DMRT1: variants seen among roughly 807,000 people sequenced by gnomAD.
DMRT1 encodes doublesex and mab-3 related transcription factor 1.
A neutral mutation model predicts 32.3 loss-of-function variants in DMRT1; 7 were observed. The observed-to-expected ratio is 0.22, with a 90% CI of 0.12 to 0.41. DMRT1 has a LOEUF of 0.41. Among genes scored for constraint, DMRT1 ranks in the 10% least tolerant of loss-of-function variants. The pLI, the probability that DMRT1 is intolerant of heterozygous loss-of-function variation, is 1.00. For synonymous variants in DMRT1, 278 were observed against 206.1 expected (o/e 1.35, Z -2.99); for missense variants, 625 against 500.5 (o/e 1.25, Z -2.37).
At chr9:900,887 C>T (rs1817547269) in intron 3 of DMRT1, among the ~76,000 whole-genome samples, 1 of 151,806 alleles carries the variant, frequency 6.6e-6, no homozygotes, top group Admixed American at 6.6e-5. Flanking sequence ...AGATGGGGGT[C>T]TCAGTGTGGT....
chr9:864,707 A>C (rs529261094), intron 2 of DMRT1, among the ~76,000 whole-genome samples: 2 of 150,440 alleles, frequency 1.3e-5, no homozygotes, highest in East Asian at 2.0e-4. Flanking sequence ...TCACCATGTT[A>C]GCCAGGATGG....
chr9:890,745 C>T lies in DMRT1; in HGVS notation c.539-3167C>T, dbSNP rs551813715. 1.1e-4 allele frequency among the ~76,000 whole-genome samples: 16 copies of T among 151,876 alleles called. No individual in the cohort carries two copies. The South Asian group carries it at 2.5e-3, about 24-fold the overall frequency. ...TATTTTTTTATTTGAGACAGAGTCTCATTCTGTCACCCAGGCTGGAGTGCA... is the reference window on the plus strand; with the variant it reads ...TATTTTTTTATTTGAGACAGAGTCTTATTCTGTCACCCAGGCTGGAGTGCA... On this transcript the variant is annotated intron_variant, in intron 2 of 4. Coordinates refer to ENST00000382276, the MANE Select transcript of DMRT1 (RefSeq NM_021951.3).
intron 2 of DMRT1, among the ~76,000 whole-genome samples, chr9:853,732 T>C (rs889260351): frequency 2.0e-5 from 3 of 152,092 alleles, no homozygotes; most frequent in Admixed American, 1.3e-4. Context: ...CTTGAACTCC[T>C]GACCTCAGGT....
rs563297698 is a variant in DMRT1, at chr9:879,307, T to A, written c.539-14605T>A. ...CTAAAATTGAGAAATGAAAAAAAAA[T>A]TATGCTTTTAAAATAATAAACTCAT... On this transcript the variant is annotated intron_variant, in intron 2 of 4. Coordinates refer to ENST00000382276, the MANE Select transcript of DMRT1 (RefSeq NM_021951.3). 8.9e-4 allele frequency among the ~76,000 whole-genome samples: 135 copies of A among 152,216 alleles called. 1 individual carries two copies. The highest frequency in any genetic ancestry group is 3.0e-3 in the African/African-American group (126 of 41,536).
chr9:942,864 A>G (rs1048118606), intron 4 of DMRT1, among the ~76,000 whole-genome samples: 1 of 152,088 alleles, frequency 6.6e-6, no homozygotes, highest in African/African-American at 2.4e-5. Context: ...CAATCCTCAC[A>G]AAAAACACTG....
intron 2 of DMRT1, among the ~76,000 whole-genome samples, chr9:880,547 T>A (rs1816690478): frequency 6.6e-6 from 1 of 151,442 alleles, no homozygotes; most frequent in South Asian, 2.1e-4. Context: ...GCCAATATGG[T>A]GAATCCCTGT....
At chr9:916,696 A>G (rs1818194336) in intron 3 of DMRT1, 67 bp from the exon 4 acceptor site, 2 of 1,556,756 alleles carry the variant, frequency 1.3e-6, no homozygotes, top group East Asian at 2.2e-5. Flanking sequence ...AAAGAACTAG[A>G]TAATTATTGT....
intron 3 of DMRT1, among the ~76,000 whole-genome samples, chr9:915,403 G>A (rs956856715): frequency 1.3e-5 from 2 of 152,174 alleles, no homozygotes; most frequent in Admixed American, 6.5e-5. Flanking sequence ...AAGCCACAGG[G>A]AATGAACTGC....
At chr9:873,804 A>T (rs1816379552) in intron 2 of DMRT1, among the ~76,000 whole-genome samples, 2 of 152,210 alleles carry the variant, frequency 1.3e-5, no homozygotes. Context: ...GGAGAGACTA[A>T]GGCTAAAGAT....
chr9:896,621 T>G (rs1817377963), intron 3 of DMRT1, among the ~76,000 whole-genome samples: 2 of 152,062 alleles, frequency 1.3e-5, no homozygotes, highest in Admixed American at 6.6e-5. Context: ...AAGACCTGCG[T>G]GGCCATCATG....
At position 862,505 on chromosome 9, in the gene DMRT1, G is replaced by A. The variant is rs1423380381; in HGVS notation, c.538+15362G>A. 5.5e-5 allele frequency among the ~76,000 whole-genome samples: 8 copies of A among 145,148 alleles called. No homozygotes were observed. The East Asian group carries it at 1.3e-3, about 23-fold the overall frequency. The stretch of plus-strand genomic sequence containing the variant: ...ACGGTGCAAAGGGGAGACGAGGACC[G>A]TGCAATGGGGAGGGGGAGGGGGAGG... On this transcript the variant is annotated intron_variant, in intron 2 of 4. Transcript: ENST00000382276.
chr9:918,450 T>G (rs927911455), intron 4 of DMRT1, among the ~76,000 whole-genome samples: 3 of 151,972 alleles, frequency 2.0e-5, no homozygotes, highest in Admixed American at 1.3e-4. Context: ...AGGAGCGAAT[T>G]TGGAGAGGAG....
intron 3 of DMRT1, among the ~76,000 whole-genome samples, chr9:902,701 T>A (rs200842263): frequency 6.7e-6 from 1 of 149,708 alleles, no homozygotes; most frequent in Non-Finnish European, 1.5e-5. Context: ...GTTGGCCAGG[T>A]TGGTCTCGAA....
chr9:861,929 A>G (rs950433985), intron 2 of DMRT1, among the ~76,000 whole-genome samples: 1 of 144,990 alleles, frequency 6.9e-6, no homozygotes, highest in Non-Finnish European at 1.5e-5. Flanking sequence ...GGCGCTCCCA[A>G]CATCCCAGAT....
intron 1 of DMRT1, among the ~76,000 whole-genome samples, chr9:844,719 CTTTTTTTT>C (rs35980858): frequency 3.4e-5 from 4 of 116,896 alleles, no homozygotes; most frequent in Non-Finnish European, 6.7e-5. Flanking sequence ...TTCTTTCTTT[CTTTTTTTT>C]TTTTTTTTTT....
At chr9:962,655 C>G (rs879266907) in intron 4 of DMRT1, among the ~76,000 whole-genome samples, 2 of 152,062 alleles carry the variant, frequency 1.3e-5, no homozygotes, top group Non-Finnish European at 2.9e-5. Context: ...GAACGCCTGG[C>G]CGTGAGCTAA....
chr9:852,428 G>A (rs576802743), intron 2 of DMRT1, among the ~76,000 whole-genome samples: 2 of 143,424 alleles, frequency 1.4e-5, no homozygotes, highest in Admixed American at 7.1e-5. Context: ...GTTATTAGCT[G>A]ACTTAAATCT....
At chr9:935,357 G>T (rs2129880202) in intron 4 of DMRT1, among the ~76,000 whole-genome samples, 1 of 152,304 alleles carries the variant, frequency 6.6e-6, no homozygotes, top group South Asian at 2.1e-4. Flanking sequence ...GCCTGAAATT[G>T]TCAATCACCT....
intron 3 of DMRT1, among the ~76,000 whole-genome samples, chr9:901,493 A>G (rs1161818135): frequency 6.6e-6 from 1 of 151,060 alleles, no homozygotes; most frequent in Non-Finnish European, 1.5e-5. Context: ...TGCCTGGCTA[A>G]TTTTTGTATT....
Sources: gnomAD v4.1 joint callset for allele counts (sites outside exome capture counted in the v4.1 genomes callset) on GRCh38, gnomAD v4.1.1 for gene constraint, MANE v1.5 for transcripts, NCBI Gene and HGNC (gene_info 2026-07-23, HGNC 2026-07-21) for gene names.